Variants in MMP16 observed in about 807,000 individuals in gnomAD.
MMP16 encodes matrix metalloproteinase-16.
In MMP16, 12 loss-of-function variants were observed where a neutral mutation model predicts 67.8. The observed-to-expected ratio is 0.18, with a 90% CI of 0.11 to 0.29. The LOEUF is 0.29. Ranked by LOEUF, MMP16 falls within the 10% of genes least tolerant of loss-of-function variation. MMP16 has a pLI of 1.00. For synonymous variants in MMP16, 249 were observed against 255.9 expected, an observed-to-expected ratio of 0.97 and a Z score of 0.26; for missense variants, 475 against 765.7, an observed-to-expected ratio of 0.62 and a Z score of 4.48.
chr8:88,126,881 A>T (rs1807941701), intron 4 of MMP16, among the ~76,000 whole-genome samples: 1 of 151,802 alleles, frequency 6.6e-6, no homozygotes, highest in Admixed American at 6.6e-5. Flanking sequence ...TATTTTGCAT[A>T]GTTTCTAGAA....
At chr8:88,111,062 T>C (rs1028051458) in intron 6 of MMP16, among the ~76,000 whole-genome samples, 2 of 151,620 alleles carry the variant, frequency 1.3e-5, no homozygotes, top group Non-Finnish European at 3.0e-5. Context: ...ATACAGCAAA[T>C]GGGATCTGAC....
At chr8:88,207,751 C>G (rs1809452524) in intron 1 of MMP16, among the ~76,000 whole-genome samples, 1 of 151,906 alleles carries the variant, frequency 6.6e-6, no homozygotes, top group African/African-American at 2.4e-5. Flanking sequence ...GTTGCTGCAG[C>G]TATGCCAGTA....
At chr8:88,270,922 TATC>T (rs1026217615) in intron 1 of MMP16, among the ~76,000 whole-genome samples, 1 of 152,176 alleles carries the variant, frequency 6.6e-6, no homozygotes, top group Non-Finnish European at 1.5e-5. Flanking sequence ...TATTTGAAAA[TATC>T]ATGAGTATAT....
chr8:88,048,176 G>A (rs1191571583), intron 8 of MMP16, among the ~76,000 whole-genome samples: 1 of 152,182 alleles, frequency 6.6e-6, no homozygotes, highest in Non-Finnish European at 1.5e-5. Context: ...TGGACCTGTT[G>A]ATGAGGAAAC....
intron 1 of MMP16, among the ~76,000 whole-genome samples, chr8:88,281,000 CAT>C (rs1325235806): frequency 1.3e-5 from 2 of 152,116 alleles, no homozygotes; most frequent in Non-Finnish European, 2.9e-5. Flanking sequence ...ACATAGTACA[CAT>C]GAGATCAGGA....
At chr8:88,099,714 A>T (rs13258767) in intron 6 of MMP16, among the ~76,000 whole-genome samples, 12,992 of 151,906 alleles carry the variant, frequency 0.086, 787 homozygotes, top group Middle Eastern at 0.16. Flanking sequence ...CAAAAAACAA[A>T]AAACAGGGAT....
chr8:88,254,513 C>T (rs1810273015), intron 1 of MMP16, among the ~76,000 whole-genome samples: 1 of 150,394 alleles, frequency 6.6e-6, no homozygotes, highest in African/African-American at 2.4e-5. Flanking sequence ...AAACTCCCAA[C>T]ATGTTGAGAT....
At chr8:88,225,150 A>T (rs1257294497) in intron 1 of MMP16, among the ~76,000 whole-genome samples, 1 of 152,064 alleles carries the variant, frequency 6.6e-6, no homozygotes, top group African/African-American at 2.4e-5. Flanking sequence ...TATAGTTTAC[A>T]ATTTCACTAG....
chr8:88,251,389 G>A (rs1226541293), intron 1 of MMP16, among the ~76,000 whole-genome samples: 1 of 149,872 alleles, frequency 6.7e-6, no homozygotes, highest in Admixed American at 6.6e-5. Flanking sequence ...ACAAGCAATG[G>A]GGAAAGGATT....
chr8:88,083,313 T>C (rs962524534), intron 6 of MMP16, among the ~76,000 whole-genome samples: 1 of 152,196 alleles, frequency 6.6e-6, no homozygotes, highest in Non-Finnish European at 1.5e-5. Context: ...TGATGGGTAT[T>C]ACATAGAGCA....
chr8:88,167,110 G>T (rs532831490), intron 4 of MMP16, among the ~76,000 whole-genome samples: 136 of 152,058 alleles, frequency 8.9e-4, no homozygotes, highest in Non-Finnish European at 1.5e-3. Flanking sequence ...TACTCAGGAG[G>T]CTGAGGTAGG....
At chr8:88,074,139 T>C (rs766924212) in intron 7 of MMP16, among the ~76,000 whole-genome samples, 10 of 152,292 alleles carry the variant, frequency 6.6e-5, no homozygotes, top group East Asian at 3.9e-4. Flanking sequence ...ATACTGATAA[T>C]TGGATAATTC....
intron 3 of MMP16, among the ~76,000 whole-genome samples, chr8:88,171,388 G>A (rs1019613159): frequency 1.3e-5 from 2 of 152,158 alleles, no homozygotes; most frequent in Non-Finnish European, 2.9e-5. Context: ...TGATGACACT[G>A]GGCCTAGGTT....
chr8:88,269,786 T>G (rs1267100855), intron 1 of MMP16, among the ~76,000 whole-genome samples: 2 of 152,172 alleles, frequency 1.3e-5, no homozygotes, highest in Non-Finnish European at 2.9e-5. Context: ...AATATTTTCG[T>G]ATTACTGTTG....
intron 1 of MMP16, among the ~76,000 whole-genome samples, chr8:88,224,721 A>C (rs1809740823): frequency 6.6e-6 from 1 of 151,914 alleles, no homozygotes; most frequent in Non-Finnish European, 1.5e-5. Context: ...TTAATGGGAG[A>C]TCTGTGGAAA....
intron 6 of MMP16, among the ~76,000 whole-genome samples, chr8:88,105,774 T>A (rs957464601): frequency 4.0e-5 from 6 of 151,240 alleles, no homozygotes; most frequent in East Asian, 2.0e-4. Context: ...AAAAGAAAGA[T>A]TAAAGACACA....
chr8:88,118,689 T>C lies in MMP16; in HGVS notation c.871+11A>G, dbSNP rs1809479380. The stretch of plus-strand genomic sequence containing the variant: ...TATCGGATTAAGCAAATTGAAACAG[T>C]AGTAACCTACCATATATCTTCTGGA... On this transcript the variant is annotated intron_variant, in intron 5 of 9. Coordinates refer to ENST00000286614, the MANE Select transcript of MMP16 (RefSeq NM_005941.5). The C allele has an allele frequency of 1.9e-6, 3 of 1,611,156 alleles. No individual in the cohort carries two copies. Among genetic ancestry groups the C allele is most frequent in the East Asian group, 4.5e-5 (2 of 44,764 alleles).
chr8:88,109,611 A>G (rs1809300196), intron 6 of MMP16, among the ~76,000 whole-genome samples: 1 of 151,314 alleles, frequency 6.6e-6, no homozygotes, highest in African/African-American at 2.4e-5. Context: ...AATTTGAAAG[A>G]AAAAATCAGA....
intron 4 of MMP16, among the ~76,000 whole-genome samples, chr8:88,151,123 T>C (rs1808398776): frequency 1.1e-5 from 1 of 91,918 alleles, no homozygotes. Flanking sequence ...AGAAGGCCAT[T>C]ACATAATGGT....
Sources: allele counts gnomAD v4.1 joint callset (sites outside exome capture counted in the v4.1 genomes callset), GRCh38; gene constraint gnomAD v4.1.1; transcripts MANE v1.5; gene names NCBI Gene and HGNC (gene_info 2026-07-23, HGNC 2026-07-21).